Variants in SLC35D4 observed in about 807,000 individuals in gnomAD.
SLC35D4 encodes solute carrier family 35 member D4, also known as UDP-N-acetylglucosamine transporter SLC35D4.
chr18:23,419,814 T>C, the SLC35D4 span, among the ~76,000 whole-genome samples: 1 of 152,066 alleles, frequency 6.6e-6, no homozygotes, highest in Non-Finnish European at 1.5e-5. Context: ...TCTAAGAAAA[T>C]GTCCTTGCTC....
chr18:23,338,078 G>C, the SLC35D4 span, among the ~76,000 whole-genome samples: 5 of 152,238 alleles, frequency 3.3e-5, no homozygotes, highest in African/African-American at 1.2e-4. Flanking sequence ...TAAGGCTAGT[G>C]AGTGATCACA....
At chr18:23,403,262 T>C in the SLC35D4 span, among the ~76,000 whole-genome samples, 181 of 152,328 alleles carry the variant, frequency 1.2e-3, 1 homozygote, top group African/African-American at 4.0e-3. Flanking sequence ...GTGGGAACCG[T>C]ATGTGTTTTG....
chr18:23,385,036 A>G, the SLC35D4 span: 1 of 1,613,704 alleles, frequency 6.2e-7, no homozygotes, highest in Non-Finnish European at 8.5e-7. Flanking sequence ...AACTTCAGCT[A>G]CATTATGCAA....
At chr18:23,383,979 A>G in the SLC35D4 span, among the ~76,000 whole-genome samples, 3 of 108,872 alleles carry the variant, frequency 2.8e-5, no homozygotes, top group African/African-American at 1.1e-4. Flanking sequence ...TGGCCTCTCT[A>G]TAGTTTAAAA....
chr18:23,363,220 G>A, the SLC35D4 span, among the ~76,000 whole-genome samples: 1 of 140,442 alleles, frequency 7.1e-6, no homozygotes, highest in Non-Finnish European at 1.5e-5. Context: ...CTCCAGCCTG[G>A]CCAGCCTGGG....
the SLC35D4 span, among the ~76,000 whole-genome samples, chr18:23,359,240 C>A: frequency 1.3e-5 from 2 of 152,050 alleles, no homozygotes; most frequent in Non-Finnish European, 2.9e-5. Context: ...CAAAAATTAG[C>A]TGGGCGTGGT....
the SLC35D4 span, chr18:23,297,664 G>T: frequency 1.9e-5 from 5 of 267,812 alleles, no homozygotes; most frequent in East Asian, 4.0e-4. Context: ...CAGTCGAGGC[G>T]AGCAGAGCCA....
chr18:23,323,686 C>T, the SLC35D4 span, among the ~76,000 whole-genome samples: 1 of 152,270 alleles, frequency 6.6e-6, no homozygotes, highest in African/African-American at 2.4e-5. Flanking sequence ...GCCCAACCCC[C>T]AGTGTGATAG....
the SLC35D4 span, among the ~76,000 whole-genome samples, chr18:23,238,854 C>T: frequency 7.9e-5 from 12 of 152,362 alleles, no homozygotes; most frequent in East Asian, 1.9e-3. Flanking sequence ...CTGAATTCCA[C>T]ATTCCTCAGC....
At chr18:23,384,913 T>G in the SLC35D4 span, 3 of 1,347,024 alleles carry the variant, frequency 2.2e-6, no homozygotes, top group South Asian at 2.5e-5. Context: ...AGACACTAAT[T>G]TGGGCCATAA....
the SLC35D4 span, among the ~76,000 whole-genome samples, chr18:23,404,992 C>CAAAAAA: frequency 6.7e-5 from 3 of 44,468 alleles, no homozygotes; most frequent in Non-Finnish European, 1.3e-4. Flanking sequence ...GACTCCGTCT[C>CAAAAAA]AAAAAAAAAA....
At chr18:23,420,109 G>C in the SLC35D4 span, among the ~76,000 whole-genome samples, 22 of 152,118 alleles carry the variant, frequency 1.4e-4, no homozygotes, top group African/African-American at 5.1e-4. Flanking sequence ...TTCAAGACCA[G>C]CCTGACCAAC....
the SLC35D4 span, among the ~76,000 whole-genome samples, chr18:23,276,142 C>T: frequency 2.0e-5 from 3 of 151,474 alleles, 1 homozygote; most frequent in Admixed American, 2.0e-4. Context: ...GCCTGGAGTG[C>T]AGTGGCGCAA....
chr18:23,345,236 C>A, the SLC35D4 span, among the ~76,000 whole-genome samples: 1 of 151,968 alleles, frequency 6.6e-6, no homozygotes, highest in Non-Finnish European at 1.5e-5. Flanking sequence ...GTAATCTCAG[C>A]ACTTTGGGAG....
chr18:23,358,317 C>T, the SLC35D4 span, among the ~76,000 whole-genome samples: 3,757 of 152,238 alleles, frequency 0.025, 53 homozygotes, highest in Middle Eastern at 0.058. Flanking sequence ...CCCAGTCTTT[C>T]ATCAGAAATG....
chr18:23,340,331 T>C, the SLC35D4 span, among the ~76,000 whole-genome samples: 1 of 151,522 alleles, frequency 6.6e-6, no homozygotes, highest in Non-Finnish European at 1.5e-5. Context: ...AGATCCTGTC[T>C]CTAAAAAAAA....
chr18:23,337,018 T>C, the SLC35D4 span, among the ~76,000 whole-genome samples: 1 of 152,002 alleles, frequency 6.6e-6, no homozygotes. Context: ...TGTGTGTGTG[T>C]GTGTGTGTGT....
At chr18:23,312,902 C>A in the SLC35D4 span, among the ~76,000 whole-genome samples, 7 of 152,008 alleles carry the variant, frequency 4.6e-5, no homozygotes, top group Middle Eastern at 3.4e-3. Flanking sequence ...CCAAGACGGG[C>A]GGATCACGAG....
chr18:23,395,081 A>G, the SLC35D4 span, among the ~76,000 whole-genome samples: 1 of 151,702 alleles, frequency 6.6e-6, no homozygotes, highest in Non-Finnish European at 1.5e-5. Flanking sequence ...AGTTTACTGT[A>G]TTGCCACTGA....
Sources: gnomAD v4.1 joint callset for allele counts (sites outside exome capture counted in the v4.1 genomes callset) on GRCh38, gnomAD v4.1.1 for gene constraint, MANE v1.5 for transcripts, NCBI Gene and HGNC (gene_info 2026-07-23, HGNC 2026-07-21) for gene names.